The following TMEM132C variants were observed in gnomAD, a reference collection of about 807,000 sequenced individuals.
TMEM132C encodes protein phosphatase 1, regulatory subunit 152.
Under a neutral mutation model 61.4 loss-of-function variants are expected in TMEM132C, and 29 were observed. That is an observed-to-expected ratio of 0.47 (90% CI 0.35 to 0.64). The LOEUF (loss-of-function observed/expected upper bound fraction) is 0.64, where lower values mean the gene tolerates loss of function less well. TMEM132C is among the 30% of genes least tolerant of loss of function. TMEM132C has a pLI of 0.00. For missense variants in TMEM132C, 1,408 were observed against 1,476.9 expected (o/e 0.95, Z 0.76); for synonymous variants, 656 against 633.1 (o/e 1.04, Z -0.54).
intron 1 of TMEM132C, among the ~76,000 whole-genome samples, chr12:128,359,264 G>A (rs1873618196): frequency 6.6e-6 from 1 of 152,130 alleles, no homozygotes; most frequent in South Asian, 2.1e-4. Flanking sequence ...CCTCATGGCT[G>A]GGGAGGCCTC....
At chr12:128,663,948 G>C (rs1954425027) in intron 4 of TMEM132C, among the ~76,000 whole-genome samples, 1 of 89,068 alleles carries the variant, frequency 1.1e-5, no homozygotes, top group African/African-American at 4.3e-5. Context: ...ACTCACACAG[G>C]CACACACACA....
At chr12:128,676,568 ACACATATACC>A (rs1954589210) in intron 5 of TMEM132C, among the ~76,000 whole-genome samples, 6 of 152,258 alleles carry the variant, frequency 3.9e-5, no homozygotes, top group African/African-American at 1.4e-4. Context: ...CATTTCTTAC[ACACATATACC>A]CACATATACA....
intron 2 of TMEM132C, among the ~76,000 whole-genome samples, chr12:128,451,461 C>A (rs979453817): frequency 3.3e-5 from 5 of 152,266 alleles, no homozygotes; most frequent in Admixed American, 2.0e-4. Flanking sequence ...CTGCTACCCC[C>A]GGCAGGAAAG....
intron 3 of TMEM132C, among the ~76,000 whole-genome samples, chr12:128,548,925 T>G (rs908803603): frequency 6.6e-6 from 1 of 152,218 alleles, no homozygotes; most frequent in African/African-American, 2.4e-5. Context: ...ATAGGTTGTA[T>G]GCTACTACTA....
chr12:128,430,824 ATGT>A (rs1311753146), intron 2 of TMEM132C, among the ~76,000 whole-genome samples: 3 of 152,164 alleles, frequency 2.0e-5, no homozygotes, highest in Non-Finnish European at 2.9e-5. Flanking sequence ...AATTTAATAA[ATGT>A]TGTGTGTGTT....
intron 1 of TMEM132C, among the ~76,000 whole-genome samples, chr12:128,301,123 A>G (rs377528362): frequency 6.6e-6 from 1 of 152,146 alleles, no homozygotes; most frequent in Non-Finnish European, 1.5e-5. Flanking sequence ...GAAACAAACA[A>G]TGAATGGAGG....
intron 3 of TMEM132C, among the ~76,000 whole-genome samples, chr12:128,614,911 TGTG>T (rs769659774): frequency 1.3e-5 from 2 of 152,176 alleles, no homozygotes; most frequent in Non-Finnish European, 2.9e-5. Context: ...AGAGGACTGT[TGTG>T]GTGGAAACAC....
chr12:128,661,136 A>G (rs553461228), intron 4 of TMEM132C, among the ~76,000 whole-genome samples: 370 of 152,332 alleles, frequency 2.4e-3, no homozygotes, highest in Middle Eastern at 0.014. Context: ...AACTGTCATG[A>G]AGGGCAGCCT....
At chr12:128,392,869 A>T (rs566652578) in intron 1 of TMEM132C, among the ~76,000 whole-genome samples, 31 of 152,058 alleles carry the variant, frequency 2.0e-4, no homozygotes, top group Non-Finnish European at 4.0e-4. Flanking sequence ...ATTCAAAGCC[A>T]TCCTGGGCCA....
At chr12:128,514,372 A>G (rs1872657075) in intron 2 of TMEM132C, among the ~76,000 whole-genome samples, 1 of 152,184 alleles carries the variant, frequency 6.6e-6, no homozygotes, top group African/African-American at 2.4e-5. Flanking sequence ...CACAGGTGCT[A>G]TTATTCTCTC....
chr12:128,402,262 G>T (rs908596921), intron 1 of TMEM132C, among the ~76,000 whole-genome samples: 4 of 152,088 alleles, frequency 2.6e-5, no homozygotes, highest in Non-Finnish European at 1.5e-5. Context: ...AAGTTCATGG[G>T]TATATGTGAG....
chr12:128,382,152 G>A (rs1461875281), intron 1 of TMEM132C, among the ~76,000 whole-genome samples: 2 of 152,000 alleles, frequency 1.3e-5, no homozygotes, highest in Middle Eastern at 3.4e-3. Flanking sequence ...CTCTCCTTAG[G>A]CGAAAGAAGC....
At chr12:128,581,184 C>T (rs182518422) in intron 3 of TMEM132C, among the ~76,000 whole-genome samples, 160 of 151,990 alleles carry the variant, frequency 1.1e-3, no homozygotes, top group African/African-American at 3.6e-3. Context: ...CTGATTAATG[C>T]GGATATGTGT....
chr12:128,364,772 C>G (rs1394787767), intron 1 of TMEM132C, among the ~76,000 whole-genome samples: 1 of 152,162 alleles, frequency 6.6e-6, no homozygotes, highest in East Asian at 1.9e-4. Context: ...GTGGTGGCCT[C>G]TAAGGGGCTC....
chr12:128,470,656 A>C (rs1551600), intron 2 of TMEM132C, among the ~76,000 whole-genome samples: 1,891 of 152,320 alleles, frequency 0.012, 42 homozygotes, highest in African/African-American at 0.042. Flanking sequence ...TGTATGGGGA[A>C]TAACTGGATT....
chr12:128,548,402 G>A (rs1485241231), intron 3 of TMEM132C, among the ~76,000 whole-genome samples: 1 of 152,132 alleles, frequency 6.6e-6, no homozygotes, highest in African/African-American at 2.4e-5. Context: ...ATTAGCCATA[G>A]TCCCCATTCC....
At chr12:128,690,123 C>T (rs755776327) in intron 5 of TMEM132C, among the ~76,000 whole-genome samples, 25 of 152,282 alleles carry the variant, frequency 1.6e-4, no homozygotes, top group Middle Eastern at 3.4e-3. Flanking sequence ...CTCACGTGAC[C>T]CCACCGTCCC....
chr12:128,479,305 T>C (rs1871249861), intron 2 of TMEM132C, among the ~76,000 whole-genome samples: 2 of 151,974 alleles, frequency 1.3e-5, no homozygotes, highest in Non-Finnish European at 2.9e-5. Flanking sequence ...CAACAAACCC[T>C]CATGACACAA....
chr12:128,626,001 C>T (rs1031482537), intron 4 of TMEM132C, among the ~76,000 whole-genome samples: 1 of 152,112 alleles, frequency 6.6e-6, no homozygotes, highest in Non-Finnish European at 1.5e-5. Context: ...CATGAAATAC[C>T]TTCTATATTC....
Sources: gnomAD v4.1 joint callset for allele counts (sites outside exome capture counted in the v4.1 genomes callset) on GRCh38, gnomAD v4.1.1 for gene constraint, MANE v1.5 for transcripts, NCBI Gene and HGNC (gene_info 2026-07-23, HGNC 2026-07-21) for gene names.